CEP128: variants seen among roughly 807,000 people sequenced by gnomAD.
The protein encoded by CEP128 is centrosomal protein 128kDa.
Under a neutral mutation model 156.7 loss-of-function variants are expected in CEP128, and 132 were observed. The ratio of observed to expected loss-of-function variants is 0.84; its 90% CI spans 0.73 to 0.97. CEP128 has a LOEUF of 0.97. CEP128 is among the 50% of genes least tolerant of loss of function. CEP128 has a pLI of 0.00. For missense variants in CEP128, 1,252 were observed against 1,281.9 expected (o/e 0.98, Z 0.36); for synonymous variants, 469 against 448.9 (o/e 1.04, Z -0.57).
At chr14:80,603,611 C>A (rs1892665654) in intron 19 of CEP128, among the ~76,000 whole-genome samples, 1 of 152,160 alleles carries the variant, frequency 6.6e-6, no homozygotes, top group African/African-American at 2.4e-5. Flanking sequence ...TCCATCTACT[C>A]CTCCTTCCTC....
chr14:80,624,929 C>G (rs188371673), intron 19 of CEP128, among the ~76,000 whole-genome samples: 18 of 152,016 alleles, frequency 1.2e-4, no homozygotes, highest in Admixed American at 9.2e-4. Context: ...TGATATAGTC[C>G]GTTTTGTCTA....
chr14:80,725,173 T>G (rs998391259), intron 19 of CEP128, among the ~76,000 whole-genome samples: 5 of 149,752 alleles, frequency 3.3e-5, no homozygotes, highest in African/African-American at 1.2e-4. Context: ...TTGTCATTCT[T>G]GTTTTCCCAA....
At chr14:80,671,121 A>G (rs1895823493) in intron 19 of CEP128, among the ~76,000 whole-genome samples, 1 of 152,178 alleles carries the variant, frequency 6.6e-6, no homozygotes, top group Admixed American at 6.5e-5. Flanking sequence ...AGTAGATCAA[A>G]CAGAGATCCA....
chr14:80,729,059 GTGTGTGTGTGTGT>G (rs1898146639), intron 19 of CEP128, among the ~76,000 whole-genome samples: 1 of 16,450 alleles, frequency 6.1e-5, no homozygotes, highest in African/African-American at 1.9e-4. Flanking sequence ...GCTGGTGGGG[GTGTGTGTGTGTGT>G]GTGTGTGTGT....
At chr14:80,542,102 C>T (rs1336560707) in intron 21 of CEP128, among the ~76,000 whole-genome samples, 1 of 152,206 alleles carries the variant, frequency 6.6e-6, no homozygotes, top group Non-Finnish European at 1.5e-5. Context: ...TTCTCTGAGC[C>T]TTTCCTCTAA....
chr14:80,498,777 T>C (rs1348455760), intron 24 of CEP128, among the ~76,000 whole-genome samples: 1 of 152,212 alleles, frequency 6.6e-6, no homozygotes, highest in African/African-American at 2.4e-5. Context: ...TGACATCACC[T>C]TGCCTGTCCT....
chr14:80,819,489 G>A (rs938948160), intron 13 of CEP128, among the ~76,000 whole-genome samples: 13 of 151,922 alleles, frequency 8.6e-5, no homozygotes, highest in Non-Finnish European at 1.8e-4. Context: ...ATTGTGATCC[G>A]CCCACCTCGG....
intron 19 of CEP128, among the ~76,000 whole-genome samples, chr14:80,604,181 G>C (rs964547240): frequency 1.6e-4 from 24 of 152,206 alleles, no homozygotes; most frequent in African/African-American, 4.3e-4. Context: ...ATCTAAAATA[G>C]ATATGCTCAT....
At chr14:80,657,110 T>C (rs1348603425) in intron 19 of CEP128, among the ~76,000 whole-genome samples, 1 of 151,814 alleles carries the variant, frequency 6.6e-6, no homozygotes. Flanking sequence ...ATACAAAAAT[T>C]AGCCATGCAT....
At chr14:80,580,984 G>A (rs1337090629) in intron 19 of CEP128, among the ~76,000 whole-genome samples, 1 of 152,088 alleles carries the variant, frequency 6.6e-6, no homozygotes, top group African/African-American at 2.4e-5. Context: ...GAGAGGGTGG[G>A]ATGCATTGAA....
chr14:80,811,787 CTG>C (rs140168558), intron 13 of CEP128, among the ~76,000 whole-genome samples: 9,692 of 120,472 alleles, frequency 0.08, 1,048 homozygotes, highest in African/African-American at 0.27. Context: ...TCTTCTGCGT[CTG>C]TGTGTGTGTG....
intron 13 of CEP128, among the ~76,000 whole-genome samples, chr14:80,799,654 G>T (rs1045131358): frequency 8.5e-5 from 13 of 152,082 alleles, no homozygotes; most frequent in African/African-American, 2.9e-4. Context: ...TTCCTAGGGG[G>T]AGGTCTATAA....
intron 2 of CEP128, among the ~76,000 whole-genome samples, chr14:80,929,979 C>T (rs1326908497): frequency 6.6e-6 from 1 of 152,198 alleles, no homozygotes; most frequent in African/African-American, 2.4e-5. Context: ...TTTACAGCTG[C>T]CCCCTTCACT....
chr14:80,955,292 G>T (rs1055882927), intron 2 of CEP128: 50 of 369,838 alleles, frequency 1.4e-4, no homozygotes, highest in African/African-American at 9.2e-4. Flanking sequence ...TAAAGAGGAG[G>T]AAAGGAGGGG....
chr14:80,916,840 C>T (rs10142758), intron 2 of CEP128, among the ~76,000 whole-genome samples: 9,797 of 152,162 alleles, frequency 0.064, 1,049 homozygotes, highest in African/African-American at 0.22. Context: ...TCATGCAATG[C>T]TTCCAAATTT....
At chr14:80,749,054 TC>T (rs1311787109) in intron 18 of CEP128, among the ~76,000 whole-genome samples, 4 of 152,104 alleles carry the variant, frequency 2.6e-5, no homozygotes, top group Non-Finnish European at 5.9e-5. Flanking sequence ...TGGCTTCAGG[TC>T]TGCCCCACCA....
chr14:80,847,442 C>T (rs1330045247), intron 9 of CEP128, among the ~76,000 whole-genome samples: 1 of 151,946 alleles, frequency 6.6e-6, no homozygotes, highest in Non-Finnish European at 1.5e-5. Flanking sequence ...TTATTTGTTA[C>T]CACAAGTAAC....
intron 13 of CEP128, among the ~76,000 whole-genome samples, chr14:80,795,459 C>T (rs1883407797): frequency 6.6e-6 from 1 of 152,182 alleles, no homozygotes; most frequent in Non-Finnish European, 1.5e-5. Flanking sequence ...CTTGCTTACA[C>T]CTAGACTCCC....
intron 20 of CEP128, among the ~76,000 whole-genome samples, chr14:80,572,702 CA>C (rs34430507): frequency 0.57 from 85,938 of 151,348 alleles, 24,635 homozygotes; most frequent in East Asian, 0.72. Flanking sequence ...TTGAAAACAA[CA>C]AAAAAAAACA....
Sources: gnomAD v4.1 joint callset for allele counts (sites outside exome capture counted in the v4.1 genomes callset) on GRCh38, gnomAD v4.1.1 for gene constraint, MANE v1.5 for transcripts, NCBI Gene and HGNC (gene_info 2026-07-23, HGNC 2026-07-21) for gene names.